Variants in SLC3A1 observed in about 807,000 individuals in gnomAD.
SLC3A1 encodes the protein amino acid transporter heavy chain SLC3A1.
In SLC3A1, 78 loss-of-function variants were observed where a neutral mutation model predicts 60.3. The observed-to-expected ratio is 1.29, with a 90% CI of 1.08 to 1.56. The LOEUF is 1.56. SLC3A1 is among the 40% of genes most tolerant of loss of function. SLC3A1 has a pLI of 0.00. For synonymous variants in SLC3A1, 392 were observed against 307.9 expected, an observed-to-expected ratio of 1.27 and a Z score of -2.86; for missense variants, 1,172 against 858.9, an observed-to-expected ratio of 1.36 and a Z score of -4.56.
intron 9 of SLC3A1, chr2:44,317,965 TAG>T (rs1386487601): frequency 3.7e-6 from 1 of 267,434 alleles, no homozygotes; most frequent in East Asian, 1.4e-4. Flanking sequence ...AAGCAAATAA[TAG>T]AAAGCTTGCA....
rs774213556 is a variant in SLC3A1, at chr2:44,281,506, C to T, written c.730C>T (p.His244Tyr). Residue 244 changes from histidine (H) to tyrosine (Y), a missense_variant, in exon 3 of 10, where the codon CAT (histidine) becomes TAT (tyrosine). Coordinates refer to ENST00000260649, the MANE Select transcript of SLC3A1 (RefSeq NM_000341.4). The stretch of plus-strand genomic sequence containing the variant: ...TTATTATATCTGGCATGACTGTACC[C>T]ATGAAAATGGCAAAACCATTCCACC... ...TDYYIWHDCT[H>Y]ENGKTIPPNN... The T allele has an allele frequency of 1.9e-6, 3 of 1,614,056 alleles. No individual in the cohort carries two copies. Among genetic ancestry groups the T allele is most frequent in the South Asian group, 2.2e-5 (2 of 91,080 alleles).
intron 4 of SLC3A1, among the ~76,000 whole-genome samples, chr2:44,295,691 T>C (rs1224807702): frequency 6.6e-6 from 1 of 152,200 alleles, no homozygotes; most frequent in Non-Finnish European, 1.5e-5. Flanking sequence ...ATGTTTAATG[T>C]CAGGTCAACA....
chr2:44,293,523 GA>G lies in SLC3A1; in HGVS notation c.892-6438del, dbSNP rs200058832. ...CAGAGCAAGACACCGTTTTAGGGGG[GA>G]AAAAAAAAAGATATAAGGACACGGA... On this transcript the variant is annotated intron_variant, in intron 4 of 9. Coordinates refer to ENST00000260649, the MANE Select transcript of SLC3A1 (RefSeq NM_000341.4). Among the ~76,000 whole-genome samples, 719 of 109,020 alleles carry G rather than the reference GA, an allele frequency of 6.6e-3. 9 individuals are homozygous for G. The highest frequency in any genetic ancestry group is 0.017 in the African/African-American group (595 of 34,192). The allele number at this position is 109,020 out of a possible 152,430, so 71.5% of individuals were successfully genotyped here. A position where few individuals can be genotyped will look rare whatever the true frequency, so the allele number is the denominator to read the frequency against.
chr2:44,306,536 C>G (rs1672161586), intron 7 of SLC3A1, among the ~76,000 whole-genome samples: 1 of 148,398 alleles, frequency 6.7e-6, no homozygotes, highest in South Asian at 2.1e-4. Context: ...AGATATAATT[C>G]ACATACCATA....
intron 7 of SLC3A1, among the ~76,000 whole-genome samples, chr2:44,306,093 T>C (rs1245185379): frequency 6.6e-6 from 1 of 152,200 alleles, no homozygotes; most frequent in Non-Finnish European, 1.5e-5. Flanking sequence ...GTGCTGTTGT[T>C]ATTCGTATGC....
intron 4 of SLC3A1, among the ~76,000 whole-genome samples, chr2:44,295,453 T>A (rs1038159933): frequency 2.0e-5 from 3 of 152,124 alleles, no homozygotes; most frequent in Non-Finnish European, 4.4e-5. Flanking sequence ...GGGTTAACAA[T>A]TAAAATCTGA....
At chr2:44,315,324 C>G (rs906205539) in intron 9 of SLC3A1, 2 of 151,836 alleles carry the variant, frequency 1.3e-5, no homozygotes, top group Non-Finnish European at 2.9e-5. Context: ...TGGAAAGGAA[C>G]AGAAAATTTA....
chr2:44,277,882 G>C (rs963289907), intron 1 of SLC3A1, among the ~76,000 whole-genome samples: 1 of 152,152 alleles, frequency 6.6e-6, no homozygotes, highest in Non-Finnish European at 1.5e-5. Context: ...TGAGGTTGAA[G>C]GGATTTCATT....
chr2:44,321,864 G>A (rs1305157753), downstream of SLC3A1: 3 of 1,613,640 alleles, frequency 1.9e-6, no homozygotes, highest in African/African-American at 2.7e-5. Flanking sequence ...ATTGCCTCCA[G>A]GCTGAATATC....
At chr2:44,312,137 C>A (rs1036795538) in intron 7 of SLC3A1, among the ~76,000 whole-genome samples, 2 of 152,108 alleles carry the variant, frequency 1.3e-5, no homozygotes, top group African/African-American at 4.8e-5. Flanking sequence ...TATGTAAATT[C>A]TTTCTAAAAG....
chr2:44,316,230 CTG>C (rs1224325021), intron 9 of SLC3A1: 2 of 152,190 alleles, frequency 1.3e-5, no homozygotes, highest in East Asian at 3.9e-4. Flanking sequence ...TAACAGAACA[CTG>C]TAGAAAGCAG....
At chr2:44,317,073 G>C (rs183345663) in intron 9 of SLC3A1, among the ~76,000 whole-genome samples, 89 of 152,278 alleles carry the variant, frequency 5.8e-4, no homozygotes, top group East Asian at 4.4e-3. Flanking sequence ...GCAAATGAGA[G>C]AGCAGTGTTT....
intron 7 of SLC3A1, among the ~76,000 whole-genome samples, chr2:44,312,085 T>C (rs980789977): frequency 8.5e-5 from 13 of 152,318 alleles, no homozygotes; most frequent in African/African-American, 2.9e-4. Flanking sequence ...CATGGAAATA[T>C]ATTTACAAAT....
intron 8 of SLC3A1, 42 bp downstream of exon 8, chr2:44,312,795 C>T (rs779735869): frequency 1.9e-6 from 3 of 1,539,358 alleles, no homozygotes; most frequent in Non-Finnish European, 1.8e-6. Flanking sequence ...AGCTATAAAA[C>T]CAAGTATTCA....
At chr2:44,286,700 C>CGG (rs1346790534) in intron 4 of SLC3A1, among the ~76,000 whole-genome samples, 3 of 131,286 alleles carry the variant, frequency 2.3e-5, no homozygotes, top group Admixed American at 8.2e-5. Flanking sequence ...GTGCCTGTGA[C>CGG]TGAGCTGTGC....
At chr2:44,286,652 C>T (rs368243179) in intron 4 of SLC3A1, among the ~76,000 whole-genome samples, 12 of 143,034 alleles carry the variant, frequency 8.4e-5, no homozygotes, top group African/African-American at 2.1e-4. Context: ...CTGTCTGTGA[C>T]GGTGAGCTGT....
downstream of SLC3A1, chr2:44,321,784 C>T: frequency 6.2e-7 from 1 of 1,613,652 alleles, no homozygotes; most frequent in Admixed American, 1.7e-5. Context: ...CAACATGTAT[C>T]TAGTTCGGGA....
At chr2:44,290,825 T>C (rs1572797160) in intron 4 of SLC3A1, among the ~76,000 whole-genome samples, 2 of 151,976 alleles carry the variant, frequency 1.3e-5, no homozygotes, top group South Asian at 2.1e-4. Context: ...GGGTGGGTAG[T>C]TGTAGACATG....
chr2:44,321,265 C>T lies in SLC3A1; in HGVS notation c.*626C>T. 9.0e-7 allele frequency: 1 copy of T among 1,109,242 alleles called. No individual in the cohort carries two copies. Among genetic ancestry groups the T allele is most frequent in the Non-Finnish European group, 1.3e-6 (1 of 768,896 alleles). The allele number at this position is 1,109,242 out of a possible 1,614,324, so 68.7% of individuals were successfully genotyped here. On this transcript the variant is annotated 3_prime_UTR_variant, in exon 10 of 10. Coordinates refer to ENST00000260649, the MANE Select transcript of SLC3A1 (RefSeq NM_000341.4). ...TAAAAAATTAATAACTTAAAAGTCT[C>T]AAGTTATTAATTTTTTTTTTGCTAA...
Sources: gnomAD v4.1 joint callset for allele counts (sites outside exome capture counted in the v4.1 genomes callset) on GRCh38, gnomAD v4.1.1 for gene constraint, MANE v1.5 for transcripts, NCBI Gene and HGNC (gene_info 2026-07-23, HGNC 2026-07-21) for gene names.